CHMP7: variants seen among roughly 807,000 people sequenced by gnomAD.
The protein encoded by CHMP7 is charged multivesicular body protein 7.
A neutral mutation model predicts 53.7 loss-of-function variants in CHMP7; 15 were observed. The ratio of observed to expected loss-of-function variants is 0.28; its 90% CI spans 0.19 to 0.43. The LOEUF is 0.43. Ranked by LOEUF, CHMP7 falls within the 20% of genes least tolerant of loss-of-function variation. The pLI, the probability that CHMP7 is intolerant of heterozygous loss-of-function variation, is 1.00. For missense variants in CHMP7, 527 were observed against 569.4 expected, an observed-to-expected ratio of 0.93 and a Z score of 0.76; for synonymous variants, 261 against 228.0, an observed-to-expected ratio of 1.14 and a Z score of -1.30.
chr8:23,249,232 T>G lies in CHMP7; in HGVS notation c.322T>G (p.Ser108Ala). The change falls in exon 3 of 11, where the codon TCA becomes GCA. Residue 108 changes from serine (S) to alanine (A), a missense_variant. Ser to Ala is a moderately conservative substitution (Grantham distance 99). Transcript: ENST00000397677. Reference protein sequence around the residue: ...LLRRGELQRESDFMASVDSSW... With the variant: ...LLRRGELQREADFMASVDSSW... ...CAGTCGAGGGGAGCTGCAGCGGGAG[T>G]CAGACTTCATGGCCAGTGTAGACAG... The G allele has an allele frequency of 6.3e-7, 1 of 1,594,228 alleles. No individual in the cohort carries two copies.
At chr8:23,258,676 G>T (rs1421993855) in intron 7 of CHMP7, 56 bp from the exon 8 acceptor site, 57 of 1,337,526 alleles carry the variant, frequency 4.3e-5, no homozygotes, top group Non-Finnish European at 5.8e-5. Flanking sequence ...AAACAATATT[G>T]TATGTATTTT....
At chr8:23,248,539 G>A (rs1319452551) in intron 2 of CHMP7, among the ~76,000 whole-genome samples, 1 of 152,230 alleles carries the variant, frequency 6.6e-6, no homozygotes. Context: ...ATGTGGCCCT[G>A]CACAAATTTT....
chr8:23,261,624 G>A lies in CHMP7; in HGVS notation c.*1025G>A. ...GCCAGATCTGTGGGGAGCTGCCCAGGCCACCCGTGCACCTGTCCTGCTTCC... is the reference window on the plus strand; with the variant it reads ...GCCAGATCTGTGGGGAGCTGCCCAGACCACCCGTGCACCTGTCCTGCTTCC... On this transcript the variant is annotated 3_prime_UTR_variant, in exon 11 of 11. Transcript: ENST00000397677. 1 of 152,884 alleles carries A rather than the reference G, an allele frequency of 6.5e-6. No individual in the cohort carries two copies. Among genetic ancestry groups the A allele is most frequent in the Non-Finnish European group, 1.5e-5 (1 of 68,148 alleles). The allele number at this position is 152,884 out of a possible 1,614,324, so 9.5% of individuals were successfully genotyped here. A position where few individuals can be genotyped will look rare whatever the true frequency, so the allele number is the denominator to read the frequency against.
At chr8:23,256,435 G>T (rs765096126) in intron 4 of CHMP7, 25 bp from the exon 5 acceptor site, 3 of 1,570,488 alleles carry the variant, frequency 1.9e-6, no homozygotes, top group South Asian at 2.2e-5. Context: ...GGTAGCAGCA[G>T]TAGTAATTTC....
At chr8:23,256,686 G>C (rs1410951957) in intron 5 of CHMP7, 93 bp downstream of exon 5, 2 of 955,370 alleles carry the variant, frequency 2.1e-6, no homozygotes, top group East Asian at 2.6e-5. Context: ...TAAAAAATAG[G>C]TGGGTTTTTT....
At chr8:23,253,044 A>T (rs1431729547) in intron 3 of CHMP7, among the ~76,000 whole-genome samples, 1 of 152,168 alleles carries the variant, frequency 6.6e-6, no homozygotes, top group Admixed American at 6.5e-5. Flanking sequence ...TGACGCTGCA[A>T]GTTCTCCTTG....
chr8:23,246,591 T>C lies in CHMP7; in HGVS notation c.-105T>C. 2.1e-6 allele frequency: 2 copies of C among 947,750 alleles called. No homozygotes were observed. Among genetic ancestry groups the C allele is most frequent in the Non-Finnish European group, 1.6e-6 (1 of 644,672 alleles). 58.7% of individuals were successfully genotyped at this position (947,750 alleles called of 1,614,324 possible). A position where few individuals can be genotyped will look rare whatever the true frequency, so the allele number is the denominator to read the frequency against. ...TCACGCTCAGGGCGGCGGTGACGTG[T>C]GAACGAGAAGGAGGTGGTCAAGGAA... On this transcript the variant is annotated 5_prime_UTR_variant, in exon 2 of 11. An upstream open reading frame in the 5' UTR loses its in-frame stop. Transcript: ENST00000397677.
intron 1 of CHMP7, among the ~76,000 whole-genome samples, chr8:23,244,770 T>C (rs1044503975): frequency 7.2e-5 from 11 of 152,234 alleles, no homozygotes; most frequent in African/African-American, 2.7e-4. Flanking sequence ...TGTCCATGAA[T>C]ATAAAATGCC....
chr8:23,246,797 G>C lies in CHMP7; in HGVS notation c.102G>C (p.Leu34=). 6.3e-7 allele frequency: 1 copy of C among 1,589,882 alleles called. No individual in the cohort carries two copies. Among genetic ancestry groups the C allele is most frequent in the Non-Finnish European group, 8.6e-7 (1 of 1,168,706 alleles). The part of the protein sequence containing the change: ...WEEDEERMSF[L]FSAFKRSREV... ...AGGACGAGGAGCGCATGTCCTTCCTGTTCTCCGCTTTCAAGAGGAGTCGCG... is the reference window on the plus strand; with the variant it reads ...AGGACGAGGAGCGCATGTCCTTCCTCTTCTCCGCTTTCAAGAGGAGTCGCG... Residue 34 remains leucine (L), a synonymous_variant, in exon 2 of 11, where the codon CTG becomes CTC. Transcript: ENST00000397677.
chr8:23,247,078 A>G, intron 2 of CHMP7, 84 bp downstream of exon 2: 1 of 1,316,496 alleles, frequency 7.6e-7, no homozygotes, highest in South Asian at 1.5e-5. Context: ...TTCTCTGCAC[A>G]GCGCACTGCG....
At chr8:23,258,651 T>C in intron 7 of CHMP7, 81 bp from the exon 8 acceptor site, 1 of 1,246,120 alleles carries the variant, frequency 8.0e-7, no homozygotes, top group Non-Finnish European at 1.2e-6. Flanking sequence ...ACCCCAAAGC[T>C]GCCTTTTGGA....
intron 3 of CHMP7, chr8:23,254,687 A>G (rs974182346): frequency 8.4e-5 from 14 of 166,866 alleles, no homozygotes; most frequent in African/African-American, 2.6e-4. Flanking sequence ...GATTACAGGC[A>G]TGAGCTGCCA....
chr8:23,247,999 G>C (rs756708607), intron 2 of CHMP7: 2 of 449,902 alleles, frequency 4.4e-6, no homozygotes, highest in South Asian at 3.1e-5. Flanking sequence ...CCTTCCCATT[G>C]GACTGGACAT....
chr8:23,246,511 C>T lies in CHMP7; in HGVS notation c.-185C>T. On this transcript the variant is annotated 5_prime_UTR_variant, in exon 2 of 11. Coordinates refer to ENST00000397677, the MANE Select transcript of CHMP7 (RefSeq NM_152272.5). Reference sequence around the variant, plus strand: ...GAAAAGAACTTCATCATACTGCCTCCTGGCTGACGGAGCGCAGCGCAACGC... The same window carrying T: ...GAAAAGAACTTCATCATACTGCCTCTTGGCTGACGGAGCGCAGCGCAACGC... The T allele has an allele frequency of 1.7e-6, 1 of 605,860 alleles. No individual in the cohort carries two copies. The highest frequency in any genetic ancestry group is 2.9e-6 in the Non-Finnish European group (1 of 344,484). 37.5% of individuals were successfully genotyped at this position (605,860 alleles called of 1,614,324 possible).
At chr8:23,252,195 C>CTTTTTTTGTTTTTTTTTTTTTT (rs1801957933) in intron 3 of CHMP7, among the ~76,000 whole-genome samples, 1 of 105,298 alleles carries the variant, frequency 9.5e-6, no homozygotes, top group Non-Finnish European at 2.0e-5. Flanking sequence ...ATTGTGTTAT[C>CTTTTTTTGTTTTTTTTTTTTTT]TTTTTTTTTT....
intron 3 of CHMP7, 67 bp from the exon 4 acceptor site, chr8:23,255,179 CA>C: frequency 6.5e-7 from 1 of 1,539,070 alleles, no homozygotes; most frequent in Non-Finnish European, 8.9e-7. Flanking sequence ...TTTTGAAACT[CA>C]GGGTCAGGGT....
chr8:23,254,980 G>A, intron 3 of CHMP7: 1 of 497,516 alleles, frequency 2.0e-6, no homozygotes, highest in Non-Finnish European at 3.7e-6. Flanking sequence ...TGAGAGGCAG[G>A]AGTGTAAAAT....
intron 2 of CHMP7, among the ~76,000 whole-genome samples, chr8:23,248,922 G>A (rs1801814007): frequency 6.6e-6 from 1 of 152,156 alleles, no homozygotes; most frequent in Admixed American, 6.5e-5. Flanking sequence ...CTTGCCTTTT[G>A]GTTCCAGACC....
intron 3 of CHMP7, among the ~76,000 whole-genome samples, chr8:23,253,409 A>C (rs1334077378): frequency 6.6e-6 from 1 of 152,106 alleles, no homozygotes; most frequent in African/African-American, 2.4e-5. Flanking sequence ...TCAGCCTCTC[A>C]AGTAGCTGGG....
Sources: allele counts gnomAD v4.1 joint callset (sites outside exome capture counted in the v4.1 genomes callset), GRCh38; gene constraint gnomAD v4.1.1; transcripts MANE v1.5; gene names NCBI Gene and HGNC (gene_info 2026-07-23, HGNC 2026-07-21).